Variants in CAPN7 observed in about 807,000 individuals in gnomAD.
The protein encoded by CAPN7 is calpain-7.
CAPN7 carries 72 observed loss-of-function variants against 115.2 expected under a neutral mutation model. The ratio of observed to expected loss-of-function variants is 0.63; its 90% confidence interval spans 0.52 to 0.76. The LOEUF (loss-of-function observed/expected upper bound fraction) is 0.76, where lower values mean the gene tolerates loss of function less well. Among genes scored for constraint, CAPN7 ranks in the 30% least tolerant of loss-of-function variants. The probability of loss-of-function intolerance (pLI) is 0.00; values close to 1 mark genes in which losing one functional copy is unlikely to be tolerated. For synonymous variants in CAPN7, 344 were observed against 322.3 expected (o/e 1.07, Z -0.72); for missense variants, 905 against 971.5 (o/e 0.93, Z 0.91).
At chr3:15,246,571 A>G (rs1695670991) in intron 17 of CAPN7, 161 bp from the exon 18 acceptor site, 3 of 596,992 alleles carry the variant, frequency 5.0e-6, no homozygotes, top group South Asian at 4.2e-5. Flanking sequence ...CCAGACCCCT[A>G]GCTTCTCAGT....
rs1300059625 is a variant in CAPN7, at chr3:15,218,496, C to T, written c.393C>T (p.Val131=). 5 of 1,612,840 alleles carry T rather than the reference C, an allele frequency of 3.1e-6. No homozygotes were observed. The Admixed American group carries it at 8.3e-5, about 27-fold the overall frequency. The part of the protein sequence containing the change: ...LKTSYETADK[V]LQNKLKQLAR... ...AGTCTTATGAAACTGCTGATAAAGT[C>T]CTGCAAAATAAACTGAAACAGTTGG... The change falls in exon 4 of 21, where the codon GTC becomes GTT. Residue 131 remains valine (V), a synonymous_variant. Coordinates refer to ENST00000253693, the MANE Select transcript of CAPN7 (RefSeq NM_014296.3).
chr3:15,209,164 C>G (rs2044797893), intron 1 of CAPN7, among the ~76,000 whole-genome samples: 1 of 152,092 alleles, frequency 6.6e-6, no homozygotes, highest in African/African-American at 2.4e-5. Flanking sequence ...GCATGCACCA[C>G]CACCCCCGGC....
chr3:15,243,120 T>A (rs1695450522), intron 16 of CAPN7, among the ~76,000 whole-genome samples: 1 of 152,046 alleles, frequency 6.6e-6, no homozygotes, highest in African/African-American at 2.4e-5. Context: ...GAACCAGTCA[T>A]GCAAAGAAAT....
At chr3:15,207,717 T>C (rs113015851) in intron 1 of CAPN7, among the ~76,000 whole-genome samples, 98 of 152,102 alleles carry the variant, frequency 6.4e-4, no homozygotes, top group Non-Finnish European at 7.5e-4. Context: ...GGATCATCAA[T>C]ATTACTGTCT....
rs575675272 is a variant in CAPN7, at chr3:15,217,582, A to T, written c.369A>T (p.Thr123=). The change falls in exon 3 of 21, where the codon ACA becomes ACT. Residue 123 remains threonine (T), a splice_region_variant and synonymous_variant. Coordinates refer to ENST00000253693, the MANE Select transcript of CAPN7 (RefSeq NM_014296.3). The part of the protein sequence containing the change: ...YTEAVDLCLK[T]SYETADKVLQ... ...AAGCTGTGGATCTCTGTCTGAAAAC[A>T]GTGTGTATAGCTACAAATTACGTTT... 68 of 1,610,724 alleles carry T rather than the reference A, an allele frequency of 4.2e-5. 1 individual carries two copies. The South Asian group carries it at 5.3e-4, about 13-fold the overall frequency.
chr3:15,220,422 G>T (rs1482121668), intron 4 of CAPN7, among the ~76,000 whole-genome samples: 1 of 151,828 alleles, frequency 6.6e-6, no homozygotes, highest in African/African-American at 2.4e-5. Flanking sequence ...TCATTTGCAT[G>T]TAATACTTTC....
At chr3:15,210,797 G>C (rs1575152951) in intron 1 of CAPN7, 3 of 1,289,276 alleles carry the variant, frequency 2.3e-6, no homozygotes, top group African/African-American at 3.0e-5. Context: ...TCTTAATTTT[G>C]TTAGGTTCAG....
chr3:15,207,861 T>C (rs2044718701), intron 1 of CAPN7, among the ~76,000 whole-genome samples: 1 of 152,196 alleles, frequency 6.6e-6, no homozygotes, highest in Non-Finnish European at 1.5e-5. Context: ...TAGTTAACTT[T>C]TTTTTATAAA....
intron 16 of CAPN7, among the ~76,000 whole-genome samples, chr3:15,243,674 T>C (rs966541831): frequency 2.0e-5 from 3 of 152,174 alleles, no homozygotes; most frequent in Non-Finnish European, 2.9e-5. Flanking sequence ...GTTCCATCTA[T>C]TGATGTTTGA....
At chr3:15,209,074 A>G (rs11925843) in intron 1 of CAPN7, among the ~76,000 whole-genome samples, 7,975 of 152,074 alleles carry the variant, frequency 0.052, 735 homozygotes, top group African/African-American at 0.18. Flanking sequence ...GCAATAGCAC[A>G]ATCTCGACTC....
At chr3:15,210,819 C>T (rs1238392915) in intron 1 of CAPN7, 1 of 1,289,512 alleles carries the variant, frequency 7.8e-7, no homozygotes, top group Admixed American at 2.3e-5. Context: ...GAAACAACTC[C>T]TGCTCAAACA....
At chr3:15,214,288 A>G (rs1335378020) in intron 2 of CAPN7, among the ~76,000 whole-genome samples, 2 of 152,192 alleles carry the variant, frequency 1.3e-5, no homozygotes, top group Non-Finnish European at 2.9e-5. Context: ...TTTCTTATTT[A>G]TTATTTTAAG....
chr3:15,251,302 T>C lies in CAPN7; in HGVS notation c.*42T>C, dbSNP rs762144102. The C allele has an allele frequency of 3.3e-5, 50 of 1,496,020 alleles. No individual in the cohort carries two copies. The highest frequency in any genetic ancestry group is 1.8e-4 in the Middle Eastern group (1 of 5,424). 92.7% of individuals were successfully genotyped at this position (1,496,020 alleles called of 1,614,324 possible). ...TACTGGCTTTTATACTTACCAAACATCAGTTCTTCAAATAAGGACGCAAAT... is the reference window on the plus strand; with the variant it reads ...TACTGGCTTTTATACTTACCAAACACCAGTTCTTCAAATAAGGACGCAAAT... On this transcript the variant is annotated 3_prime_UTR_variant, in exon 21 of 21. Transcript: ENST00000253693.
chr3:15,251,385 A>G lies in CAPN7; in HGVS notation c.*125A>G. On this transcript the variant is annotated 3_prime_UTR_variant, in exon 21 of 21. Transcript: ENST00000253693. Reference sequence around the variant, plus strand: ...AATTAAATCTCTAAAAACGTGTTACAGTGGAATCTGGTGCTTGTCAGGGTG... The same window carrying G: ...AATTAAATCTCTAAAAACGTGTTACGGTGGAATCTGGTGCTTGTCAGGGTG... 2.4e-6 allele frequency: 2 copies of G among 817,202 alleles called. No individual in the cohort carries two copies. The highest frequency in any genetic ancestry group is 3.8e-5 in the South Asian group (2 of 52,368). 50.6% of individuals were successfully genotyped at this position (817,202 alleles called of 1,614,324 possible). A position where few individuals can be genotyped will look rare whatever the true frequency, so the allele number is the denominator to read the frequency against.
intron 8 of CAPN7, among the ~76,000 whole-genome samples, chr3:15,229,678 C>G (rs904452103): frequency 1.0e-4 from 15 of 144,380 alleles, no homozygotes; most frequent in Admixed American, 2.2e-4. Context: ...TGGGTTCAAG[C>G]GATTCTCCTG....
chr3:15,213,429 G>A (rs2045063420), intron 2 of CAPN7, among the ~76,000 whole-genome samples: 1 of 152,206 alleles, frequency 6.6e-6, no homozygotes, highest in African/African-American at 2.4e-5. Flanking sequence ...AGAGAGAACA[G>A]TGTCAACATT....
chr3:15,230,692 C>A (rs1173912098), intron 9 of CAPN7, among the ~76,000 whole-genome samples, 157 bp downstream of exon 9: 1 of 152,182 alleles, frequency 6.6e-6, no homozygotes, highest in Non-Finnish European at 1.5e-5. Flanking sequence ...ATGTGTTAAT[C>A]ATTAAAAATT....
Position 15,251,221 on chromosome 3 carries a change from T to C in CAPN7, c.2403T>C (p.Phe801=), listed in dbSNP as rs565190126. 1.9e-6 allele frequency: 3 copies of C among 1,610,708 alleles called. No homozygotes were observed. The highest frequency in any genetic ancestry group is 1.3e-5 in the African/African-American group (1 of 74,832). Residue 801 remains phenylalanine, a synonymous_variant, in exon 21 of 21, where the codon TTT becomes TTC. Transcript: ENST00000253693. ...PKQEGPFFLD[F]NSIIPIKITQ... ...AAGAAGGACCTTTTTTCTTGGACTT[T>C]AATAGTATTATCCCCATCAAGATCA...
rs530859510 is a variant in CAPN7, at chr3:15,217,122, C to T, written c.212-303C>T. On this transcript the variant is annotated intron_variant, in intron 2 of 20. Transcript: ENST00000253693. ...ATTAGCCAGGCATGGTGGTACACTC[C>T]TGTAGTCCCAGCTACTCAGGAGGCT... is the stretch of plus-strand genomic sequence containing the variant. Among the ~76,000 whole-genome samples, 4 of 151,786 alleles carry T rather than the reference C, an allele frequency of 2.6e-5. No homozygotes were observed. In the South Asian group the frequency reaches 8.3e-4, roughly 32 times the overall value.
Sources: gnomAD v4.1 joint callset for allele counts (sites outside exome capture counted in the v4.1 genomes callset) on GRCh38, gnomAD v4.1.1 for gene constraint, MANE v1.5 for transcripts, NCBI Gene and HGNC (gene_info 2026-07-23, HGNC 2026-07-21) for gene names.